H6PD: variants seen among roughly 807,000 people sequenced by gnomAD.
H6PD encodes the protein GDH/6PGL endoplasmic bifunctional protein.
A neutral mutation model predicts 61.2 loss-of-function variants in H6PD; 48 were observed. The observed-to-expected ratio is 0.78, with a 90% CI of 0.62 to 1.00. The LOEUF is 1.00. Among genes scored for constraint, H6PD ranks in the 50% least tolerant of loss-of-function variants. The pLI is 0.00. For missense variants in H6PD, 1,093 were observed against 1,065.0 expected (o/e 1.03, Z -0.37); for synonymous variants, 480 against 457.9 (o/e 1.05, Z -0.62).
chr1:9,270,582 G>C lies in H6PD; in HGVS notation c.*5713G>C, dbSNP rs980395108. On this transcript the variant is annotated 3_prime_UTR_variant, in exon 5 of 5. Transcript: ENST00000377403. ...GCAGATCCCCAGGGGCAGAGCCCCT[G>C]CTGGATCCTGGGAGCTCATCTTTAC... 1 of 152,304 alleles carries C rather than the reference G, an allele frequency of 6.6e-6. No homozygotes were observed. The highest frequency in any genetic ancestry group is 2.4e-5 in the African/African-American group (1 of 41,454). The allele number at this position is 152,304 out of a possible 1,614,324, so 9.4% of individuals were successfully genotyped here. A position where few individuals can be genotyped will look rare whatever the true frequency, so the allele number is the denominator to read the frequency against.
At chr1:9,255,331 G>A (rs908039402) in intron 3 of H6PD, among the ~76,000 whole-genome samples, 1 of 151,782 alleles carries the variant, frequency 6.6e-6, no homozygotes, top group Non-Finnish European at 1.5e-5. Context: ...GCCCTGGCTG[G>A]AGTGCAGTGG....
chr1:9,256,879 G>A (rs991930019), intron 3 of H6PD, among the ~76,000 whole-genome samples: 3 of 151,992 alleles, frequency 2.0e-5, no homozygotes, highest in Non-Finnish European at 4.4e-5. Context: ...TTCTCTTTCT[G>A]TTTCCATGCA....
intron 1 of H6PD, chr1:9,242,836 C>G: frequency 1.0e-6 from 1 of 985,488 alleles, no homozygotes; most frequent in Non-Finnish European, 1.2e-6. Context: ...AGATTTCTTG[C>G]TGCCTCTCTC....
At position 9,254,778 on chromosome 1, in the gene H6PD, A is replaced by G. The variant is rs916281460; in HGVS notation, c.746-7281A>G. On this transcript the variant is annotated intron_variant, in intron 3 of 4. Transcript: ENST00000377403. This position sits in a 1 kb window ranked among gnomAD's most constrained non-coding sequence, Gnocchi z 4.6. ...GGCCAGTGAGCTTTCGTGTATTCAC[A>G]GAGTTGTGTGTCAGTACCACAATCA... Among the ~76,000 whole-genome samples, 1 of 152,238 alleles carries G rather than the reference A, an allele frequency of 6.6e-6. No individual in the cohort carries two copies. The highest frequency in any genetic ancestry group is 1.5e-5 in the Non-Finnish European group (1 of 68,040).
intron 1 of H6PD, chr1:9,242,492 A>G (rs551063147): frequency 1.1e-3 from 839 of 769,250 alleles, no homozygotes; most frequent in Admixed American, 2.8e-3. Context: ...CATAACAGAT[A>G]AGGGAGGCCA....
At position 9,245,412 on chromosome 1, in the gene H6PD, T is replaced by C. The variant is rs1185550460; in HGVS notation, c.478T>C (p.Cys160Arg). The C allele has an allele frequency of 6.2e-7, 1 of 1,614,096 alleles. No homozygotes were observed. The highest frequency in any genetic ancestry group is 8.5e-7 in the Non-Finnish European group (1 of 1,179,980). Residue 160 changes from cysteine to arginine, a missense_variant, in exon 2 of 5, where the codon TGC becomes CGC. Transcript: ENST00000377403. The surrounding 1 kb of genome is among the most constrained non-coding windows in gnomAD (Gnocchi z 4.8). ...EDIARNINSSCRPGPGAWLRV... is the reference protein window; with the variant it reads ...EDIARNINSSRRPGPGAWLRV... ...CATTGCCCGCAACATCAACAGTAGCTGCCGGCCAGGCCCGGGCGCCTGGCT... is the reference window on the plus strand; with the variant it reads ...CATTGCCCGCAACATCAACAGTAGCCGCCGGCCAGGCCCGGGCGCCTGGCT...
intron 1 of H6PD, among the ~76,000 whole-genome samples, chr1:9,238,565 G>A (rs1315218423): frequency 3.9e-5 from 6 of 152,182 alleles, no homozygotes; most frequent in Admixed American, 6.5e-5. Context: ...TGACAGATAC[G>A]ATGACCTCAA....
chr1:9,236,995 C>A (rs1640866019), intron 1 of H6PD, among the ~76,000 whole-genome samples: 1 of 152,170 alleles, frequency 6.6e-6, no homozygotes, highest in Non-Finnish European at 1.5e-5. Context: ...GAGGCAGAGG[C>A]TGGTTACCGC....
chr1:9,256,489 T>G (rs1244295155), intron 3 of H6PD, among the ~76,000 whole-genome samples: 1 of 152,084 alleles, frequency 6.6e-6, no homozygotes, highest in Non-Finnish European at 1.5e-5. Context: ...TCAGGGCAGG[T>G]TGTTCCCCCA....
chr1:9,244,749 TC>T (rs1286876938), intron 1 of H6PD, among the ~76,000 whole-genome samples, 175 bp from the exon 2 acceptor site: 1 of 152,220 alleles, frequency 6.6e-6, no homozygotes, highest in Admixed American at 6.5e-5. Flanking sequence ...CCCACTGACT[TC>T]CTGGAACAGA....
At chr1:9,247,150 G>A in intron 3 of H6PD, 67 bp downstream of exon 3, 1 of 1,080,332 alleles carries the variant, frequency 9.3e-7, no homozygotes, top group Non-Finnish European at 1.4e-6. Flanking sequence ...GGTGAGGCAT[G>A]GGGCGCTTCT....
chr1:9,246,142 C>A (rs1028881856), intron 2 of H6PD, among the ~76,000 whole-genome samples: 6 of 152,130 alleles, frequency 3.9e-5, no homozygotes, highest in Non-Finnish European at 7.4e-5. Flanking sequence ...TGGGTTTTCA[C>A]CATGTTGGCC....
intron 3 of H6PD, among the ~76,000 whole-genome samples, chr1:9,257,134 CT>C (rs1641544743): frequency 6.6e-6 from 1 of 150,666 alleles, no homozygotes; most frequent in South Asian, 2.1e-4. Context: ...ATCCTGTTTT[CT>C]TTTTCTTTCT....
chr1:9,240,892 G>A (rs1001433341), intron 1 of H6PD, among the ~76,000 whole-genome samples: 1 of 152,184 alleles, frequency 6.6e-6, no homozygotes, highest in Non-Finnish European at 1.5e-5. Context: ...CCCAGGAGAT[G>A]TGTTGGAGCC....
Position 9,262,171 on chromosome 1 carries a change from G to A in H6PD, c.858G>A (p.Ala286=), listed in dbSNP as rs772800106. 9 of 1,614,250 alleles carry A rather than the reference G, an allele frequency of 5.6e-6. No homozygotes were observed. The highest frequency in any genetic ancestry group is 4.5e-5 in the East Asian group (2 of 44,890). Residue 286 remains alanine (A), a synonymous_variant, in exon 4 of 5, where the codon GCG becomes GCA. Transcript: ENST00000377403. ...AMELPHNVSS[A]EAVLRHKLQV... is the part of the protein sequence containing the mutation. Reference sequence around the variant, plus strand: ...AGCTGCCCCACAATGTCAGCAGTGCGGAGGCTGTGCTGCGGCACAAGCTTC... The same window carrying A: ...AGCTGCCCCACAATGTCAGCAGTGCAGAGGCTGTGCTGCGGCACAAGCTTC...
intron 1 of H6PD, chr1:9,242,596 G>C: frequency 3.0e-6 from 3 of 985,494 alleles, no homozygotes; most frequent in Non-Finnish European, 3.6e-6. Flanking sequence ...CCAGGAGTCA[G>C]TTCAGGCCAG....
At chr1:9,237,342 G>A (rs1393561178) in intron 1 of H6PD, among the ~76,000 whole-genome samples, 2 of 135,266 alleles carry the variant, frequency 1.5e-5, no homozygotes, top group Non-Finnish European at 3.0e-5. Flanking sequence ...AAGTGATTCT[G>A]CTCCCTCAGC....
rs752422517 is a variant in H6PD, at chr1:9,264,712, A to G, written c.2219A>G (p.Lys740Arg). The G allele has an allele frequency of 6.2e-7, 1 of 1,613,352 alleles. No homozygotes were observed. The highest frequency in any genetic ancestry group is 8.5e-7 in the Non-Finnish European group (1 of 1,180,004). Residue 740 changes from lysine (K) to arginine (R), a missense_variant, in exon 5 of 5, where the codon AAG (lysine) becomes AGG (arginine). By Grantham distance (26) the Lys-to-Arg change is conservative. Transcript: ENST00000377403. ...AGCCTGCCTCTCATCAACCGCGCCA[A>G]GAAGGTGGCAGTCCTGGTCATGGGC... ...SLSLPLINRA[K>R]KVAVLVMGRM...
chr1:9,250,896 T>G (rs1641341253), intron 3 of H6PD, among the ~76,000 whole-genome samples: 2 of 152,184 alleles, frequency 1.3e-5, no homozygotes, highest in Admixed American at 6.5e-5. Context: ...GAGTGTTGTT[T>G]TTTTTTCCTG....
Sources: allele counts gnomAD v4.1 joint callset (sites outside exome capture counted in the v4.1 genomes callset), GRCh38; gene constraint gnomAD v4.1.1; non-coding constraint Gnocchi (gnomAD v3.1); transcripts MANE v1.5; gene names NCBI Gene and HGNC (gene_info 2026-07-23, HGNC 2026-07-21).